The following TCF7L2 variants were observed in gnomAD, a reference collection of about 807,000 sequenced individuals.
TCF7L2 encodes transcription factor 7-like 2.
Under a neutral mutation model 77.9 loss-of-function variants are expected in TCF7L2, and 23 were observed. The observed-to-expected ratio is 0.30, with a 90% CI of 0.21 to 0.42. The LOEUF (loss-of-function observed/expected upper bound fraction) is 0.42, where lower values mean the gene tolerates loss of function less well. TCF7L2 is among the 10% of genes least tolerant of loss of function. The pLI, the probability that TCF7L2 is intolerant of heterozygous loss-of-function variation, is 1.00. For synonymous variants in TCF7L2, 413 were observed against 340.2 expected, an observed-to-expected ratio of 1.21 and a Z score of -2.36; for missense variants, 654 against 793.1, an observed-to-expected ratio of 0.82 and a Z score of 2.11.
chr10:113,029,019 G>A (rs779726623), intron 4 of TCF7L2, among the ~76,000 whole-genome samples: 5 of 152,114 alleles, frequency 3.3e-5, no homozygotes, highest in Non-Finnish European at 7.4e-5. Context: ...TAGCTGCCTT[G>A]GACCTGATAT....
At chr10:112,962,916 A>G (rs1011062535) in intron 3 of TCF7L2, among the ~76,000 whole-genome samples, 2 of 152,118 alleles carry the variant, frequency 1.3e-5, no homozygotes, top group Non-Finnish European at 2.9e-5. Flanking sequence ...CACTTCAGAT[A>G]CTGCTTCTGA....
At chr10:113,088,146 T>TA (rs763005219) in intron 5 of TCF7L2, among the ~76,000 whole-genome samples, 20 of 152,092 alleles carry the variant, frequency 1.3e-4, no homozygotes, top group South Asian at 6.2e-4. Flanking sequence ...TCTTTTTTTT[T>TA]AAAAAGAAAC....
intron 5 of TCF7L2, among the ~76,000 whole-genome samples, chr10:113,049,088 G>A (rs978387883): frequency 2.6e-5 from 4 of 152,066 alleles, no homozygotes; most frequent in African/African-American, 7.2e-5. Flanking sequence ...TTACACATAA[G>A]GATGTGCAAA....
chr10:113,036,583 T>C (rs1464934270), intron 4 of TCF7L2, among the ~76,000 whole-genome samples: 1 of 152,162 alleles, frequency 6.6e-6, no homozygotes, highest in African/African-American at 2.4e-5. Context: ...TATCATAAAA[T>C]ATGATTTGGG....
rs761524020 is a variant in TCF7L2 at position 113,024,308 on chromosome 10, A to AAAAC, written c.451-15697_451-15694dup. 2.3e-3 allele frequency among the ~76,000 whole-genome samples: 355 copies of AAAAC among 152,100 alleles called. 5 individuals are homozygous for AAAAC. Among genetic ancestry groups the AAAAC allele is most frequent in the African/African-American group, 7.3e-3 (303 of 41,510 alleles). On this transcript the variant is annotated intron_variant, in intron 4 of 13. Transcript: ENST00000627217. ...CAAAGCGAGACTCTCACAACAAAAC[A>AAAAC]AAACAAACAAACAAACAAACAAAAA...
chr10:113,007,474 G>A (rs928198946), intron 4 of TCF7L2, among the ~76,000 whole-genome samples: 4 of 152,208 alleles, frequency 2.6e-5, no homozygotes, highest in Non-Finnish European at 5.9e-5. Flanking sequence ...TTGATCTTTT[G>A]CTTTGGAGGT....
intron 4 of TCF7L2, among the ~76,000 whole-genome samples, chr10:113,039,165 C>G (rs1242502740): frequency 6.6e-6 from 1 of 152,190 alleles, no homozygotes; most frequent in East Asian, 1.9e-4. Flanking sequence ...ACCTCTGTGA[C>G]TGGGCAAGCC....
intron 5 of TCF7L2, among the ~76,000 whole-genome samples, chr10:113,101,139 G>A (rs750934146): frequency 5.9e-5 from 9 of 152,108 alleles, no homozygotes; most frequent in Non-Finnish European, 1.0e-4. Context: ...TTAATAGGAC[G>A]TTCTACTCAA....
intron 5 of TCF7L2, among the ~76,000 whole-genome samples, chr10:113,082,040 G>A (rs916200380): frequency 6.6e-6 from 1 of 151,650 alleles, no homozygotes; most frequent in East Asian, 1.9e-4. Flanking sequence ...GTTTCACCAT[G>A]TTGGCCAGGC....
intron 4 of TCF7L2, chr10:112,987,886 AAAT>A: frequency 1.3e-5 from 2 of 150,986 alleles, no homozygotes; most frequent in South Asian, 2.0e-4. Flanking sequence ...ACCCATGAAA[AAAT>A]AAATAAATAA....
intron 5 of TCF7L2, among the ~76,000 whole-genome samples, chr10:113,052,154 G>C (rs1325005201): frequency 6.6e-6 from 1 of 152,172 alleles, no homozygotes; most frequent in Non-Finnish European, 1.5e-5. Context: ...ATTGTGAGAA[G>C]ATCCTGCAGC....
At chr10:113,139,978 G>A (rs1225655950) in intron 5 of TCF7L2, among the ~76,000 whole-genome samples, 1 of 152,146 alleles carries the variant, frequency 6.6e-6, no homozygotes, top group East Asian at 1.9e-4. Flanking sequence ...CTTCCTAAAA[G>A]TAATAAAAGG....
At chr10:112,959,912 C>G (rs1457337149) in intron 3 of TCF7L2, among the ~76,000 whole-genome samples, 2 of 151,508 alleles carry the variant, frequency 1.3e-5, no homozygotes. Flanking sequence ...TTTCAAGTGG[C>G]TCATGGTAGC....
intron 3 of TCF7L2, among the ~76,000 whole-genome samples, chr10:112,957,119 G>C (rs559467078): frequency 6.0e-5 from 9 of 149,600 alleles, no homozygotes; most frequent in African/African-American, 2.2e-4. Context: ...CTAGGTGTTT[G>C]CATCTTTTCC....
At chr10:113,014,305 T>A (rs2046967496) in intron 4 of TCF7L2, among the ~76,000 whole-genome samples, 1 of 152,228 alleles carries the variant, frequency 6.6e-6, no homozygotes, top group Non-Finnish European at 1.5e-5. Flanking sequence ...CAGGGACCCA[T>A]GAGAAGGTCA....
At chr10:113,040,891 T>G (rs1309084810) in intron 5 of TCF7L2, among the ~76,000 whole-genome samples, 2 of 152,234 alleles carry the variant, frequency 1.3e-5, no homozygotes, top group African/African-American at 4.8e-5. Context: ...CTTCATACTT[T>G]TGAAATAATT....
chr10:113,023,173 T>A (rs1320281093), intron 4 of TCF7L2, among the ~76,000 whole-genome samples: 3 of 152,174 alleles, frequency 2.0e-5, no homozygotes, highest in Non-Finnish European at 4.4e-5. Flanking sequence ...ATTAGTGTTT[T>A]TCCTCTCCAC....
intron 5 of TCF7L2, among the ~76,000 whole-genome samples, chr10:113,083,450 C>T (rs769101825): frequency 1.3e-5 from 2 of 152,034 alleles, no homozygotes; most frequent in African/African-American, 2.4e-5. Context: ...CTTGTCTTTA[C>T]GATAAAAATG....
Position 112,965,615 on chromosome 10 carries a change from CTGTGTGTGTGTATATGTG to C in TCF7L2, c.450+1003_450+1020del, listed in dbSNP as rs1372403091. ...GCAAGAGCCCTTGCAGATAACTTGT[CTGTGTGTGTGTATATGTG>C]TGTGTGTGTGTGTGTGTGTGTGTGT... On this transcript the variant is annotated intron_variant, in intron 4 of 13. Transcript: ENST00000627217. 3.8e-3 allele frequency among the ~76,000 whole-genome samples: 547 copies of C among 143,998 alleles called. 17 individuals carry two copies. The East Asian group carries it at 0.091, about 24-fold the overall frequency. 94.5% of individuals were successfully genotyped at this position (143,998 alleles called of 152,430 possible).
Sources: gnomAD v4.1 joint callset for allele counts (sites outside exome capture counted in the v4.1 genomes callset) on GRCh38, gnomAD v4.1.1 for gene constraint, MANE v1.5 for transcripts, NCBI Gene and HGNC (gene_info 2026-07-23, HGNC 2026-07-21) for gene names.